Variants in POLE2 observed in about 807,000 individuals in gnomAD.
POLE2 encodes the protein DNA polymerase epsilon 2, accessory subunit, also known as DNA polymerase epsilon subunit 2.
Under a neutral mutation model 79.4 loss-of-function variants are expected in POLE2, and 56 were observed. The observed-to-expected ratio is 0.71, with a 90% confidence interval of 0.57 to 0.88. The LOEUF is 0.88. POLE2 is among the 40% of genes least tolerant of loss of function. The pLI, the probability that POLE2 is intolerant of heterozygous loss-of-function variation, is 0.00. For missense variants in POLE2, 598 were observed against 638.9 expected (o/e 0.94, Z 0.69); for synonymous variants, 212 against 214.0 (o/e 0.99, Z 0.08).
intron 17 of POLE2, among the ~76,000 whole-genome samples, chr14:49,649,678 T>C (rs895059517): frequency 6.6e-6 from 1 of 151,966 alleles, no homozygotes; most frequent in Non-Finnish European, 1.5e-5. Flanking sequence ...CTTGAACTCC[T>C]GACCTCGTGA....
intron 3 of POLE2, among the ~76,000 whole-genome samples, chr14:49,676,234 T>C (rs1375074925): frequency 6.6e-6 from 1 of 152,150 alleles, no homozygotes; most frequent in Non-Finnish European, 1.5e-5. Context: ...TTAAAAGAAG[T>C]TAAAAATTTC....
At chr14:49,687,885 A>G (rs540501975) in intron 1 of POLE2, among the ~76,000 whole-genome samples, 12 of 152,168 alleles carry the variant, frequency 7.9e-5, no homozygotes, top group Admixed American at 3.9e-4. Context: ...TTTTTAGTAG[A>G]GACGGGGCTT....
intron 10 of POLE2, among the ~76,000 whole-genome samples, chr14:49,660,246 T>C (rs568673493): frequency 2.0e-5 from 3 of 152,216 alleles, no homozygotes; most frequent in Admixed American, 6.5e-5. Flanking sequence ...ACAGCCTTGG[T>C]GTACAGTGGG....
intron 2 of POLE2, among the ~76,000 whole-genome samples, chr14:49,682,637 A>AGG (rs1295732721): frequency 4.4e-5 from 5 of 113,228 alleles, no homozygotes; most frequent in African/African-American, 1.9e-4. Context: ...ACTCCTTCTC[A>AGG]GGGAAAAAAA....
At chr14:49,647,247 AC>A (rs1883843541) in intron 18 of POLE2, 45 bp downstream of exon 18, 1 of 990,034 alleles carries the variant, frequency 1.0e-6, no homozygotes, top group African/African-American at 1.7e-5. Context: ...CAGTAATTTA[AC>A]ACCTAGAGAA....
chr14:49,662,341 A>G (rs1172834484), intron 10 of POLE2, among the ~76,000 whole-genome samples: 2 of 152,258 alleles, frequency 1.3e-5, no homozygotes, highest in Non-Finnish European at 2.9e-5. Flanking sequence ...CTCTGTTGCC[A>G]GGCTGGAGTA....
intron 11 of POLE2, 37 bp from the exon 12 acceptor site, chr14:49,655,131 A>G: frequency 9.9e-7 from 1 of 1,013,454 alleles, no homozygotes; most frequent in African/African-American, 1.7e-5. Flanking sequence ...ATACTTTTCT[A>G]GTCTACAAAT....
At chr14:49,670,210 G>C (rs1336062952) in intron 5 of POLE2, among the ~76,000 whole-genome samples, 1 of 151,268 alleles carries the variant, frequency 6.6e-6, no homozygotes, top group Non-Finnish European at 1.5e-5. Flanking sequence ...CAGCTACTCA[G>C]GAGGCTGAGG....
At chr14:49,674,521 C>T (rs1032750891) in intron 3 of POLE2, 94 bp from the exon 4 acceptor site, 20 of 741,036 alleles carry the variant, frequency 2.7e-5, no homozygotes, top group Admixed American at 4.8e-5. Context: ...TTTGTAATAA[C>T]ACACTTTTCA....
At chr14:49,682,912 A>G (rs567679541) in intron 2 of POLE2, among the ~76,000 whole-genome samples, 1 of 151,578 alleles carries the variant, frequency 6.6e-6, no homozygotes, top group Admixed American at 6.6e-5. Flanking sequence ...AACATTTAGG[A>G]GTTAATGACT....
intron 5 of POLE2, among the ~76,000 whole-genome samples, chr14:49,673,630 C>T (rs1385512553): frequency 6.6e-6 from 1 of 152,116 alleles, no homozygotes; most frequent in East Asian, 1.9e-4. Context: ...ATGTATTGCA[C>T]AAATGTCTAT....
chr14:49,664,701 CT>C lies in POLE2; in HGVS notation c.634-28del, dbSNP rs374674123. ...TACACAACAGTTGAGGAAAATAATT[CT>C]ATTCTTGAGGCAGTAATAAAGTCAA... is the stretch of plus-strand genomic sequence containing the variant. On this transcript the variant is annotated intron_variant, in intron 8 of 18. Transcript: ENST00000216367. The C allele has an allele frequency of 2.4e-4, 351 of 1,446,358 alleles. 1 individual carries two copies. In the African/African-American group the frequency reaches 4.5e-3, roughly 18 times the overall value. The allele number at this position is 1,446,358 out of a possible 1,614,324, so 89.6% of individuals were successfully genotyped here. A position where few individuals can be genotyped will look rare whatever the true frequency, so the allele number is the denominator to read the frequency against.
chr14:49,658,734 A>G (rs1187941813), intron 10 of POLE2, among the ~76,000 whole-genome samples: 3 of 152,226 alleles, frequency 2.0e-5, no homozygotes, highest in African/African-American at 7.2e-5. Context: ...GTGTCTGTAG[A>G]GACACTGGTG....
intron 15 of POLE2, among the ~76,000 whole-genome samples, chr14:49,653,630 G>T (rs1397215311): frequency 5.3e-5 from 8 of 151,112 alleles, no homozygotes; most frequent in African/African-American, 1.9e-4. Context: ...TTTGTTTTTT[G>T]TTTTTTTTGT....
intron 13 of POLE2, 146 bp downstream of exon 13, chr14:49,654,638 G>A: frequency 2.1e-6 from 2 of 938,052 alleles, no homozygotes; most frequent in South Asian, 2.3e-5. Context: ...ACAATGTGAG[G>A]ATAACTTTAT....
rs189729109 is a variant in POLE2, at chr14:49,680,896, G to A, written c.170-1096C>T. Reference sequence around the variant, plus strand: ...TCCGCCCGCCTCAGCCTCCCAAAATGCTGCGATTACAGGCGTGAGACAAGT... The same window carrying A: ...TCCGCCCGCCTCAGCCTCCCAAAATACTGCGATTACAGGCGTGAGACAAGT... On this transcript the variant is annotated intron_variant, in intron 2 of 18. Coordinates refer to ENST00000216367, the MANE Select transcript of POLE2 (RefSeq NM_002692.4). Among the ~76,000 whole-genome samples, 61 of 152,194 alleles carry A rather than the reference G, an allele frequency of 4.0e-4. No homozygotes were observed. The East Asian group carries it at 0.011, about 27-fold the overall frequency.
At chr14:49,650,716 C>T (rs1161924090) in intron 16 of POLE2, among the ~76,000 whole-genome samples, 1 of 152,152 alleles carries the variant, frequency 6.6e-6, no homozygotes, top group African/African-American at 2.4e-5. Context: ...CTCAAGCAAG[C>T]CACCCAAAGT....
At chr14:49,687,397 A>T (rs1337020133) in intron 1 of POLE2, among the ~76,000 whole-genome samples, 1 of 151,948 alleles carries the variant, frequency 6.6e-6, no homozygotes, top group African/African-American at 2.4e-5. Flanking sequence ...GGGAAGGTTC[A>T]TATGTTCTAT....
intron 2 of POLE2, among the ~76,000 whole-genome samples, chr14:49,680,785 G>A (rs1049436153): frequency 9.3e-5 from 14 of 149,828 alleles, no homozygotes; most frequent in East Asian, 5.9e-4. Flanking sequence ...ACGGAGTCTC[G>A]CTCTGTCAGC....
Sources: gnomAD v4.1 joint callset for allele counts (sites outside exome capture counted in the v4.1 genomes callset) on GRCh38, gnomAD v4.1.1 for gene constraint, MANE v1.5 for transcripts, NCBI Gene and HGNC (gene_info 2026-07-23, HGNC 2026-07-21) for gene names.